The following ARHGEF10L variants were observed in gnomAD, a reference collection of about 807,000 sequenced individuals.
ARHGEF10L encodes the protein rho guanine nucleotide exchange factor 10-like protein.
In ARHGEF10L, 69 loss-of-function variants were observed where a neutral mutation model predicts 141.2. The observed-to-expected ratio is 0.49, with a 90% CI of 0.40 to 0.60. The LOEUF is 0.60. Ranked by LOEUF, ARHGEF10L falls within the 20% of genes least tolerant of loss-of-function variation. ARHGEF10L has a pLI of 0.00. For missense variants in ARHGEF10L, 1,482 were observed against 1,734.3 expected (o/e 0.85, Z 2.58); for synonymous variants, 711 against 718.5 (o/e 0.99, Z 0.17).
chr1:17,648,231 A>G (rs1253767371), intron 21 of ARHGEF10L, among the ~76,000 whole-genome samples: 4 of 152,242 alleles, frequency 2.6e-5, no homozygotes, highest in Non-Finnish European at 4.4e-5. Flanking sequence ...CAACAACCAC[A>G]GGACGAAGGC....
At chr1:17,620,008 G>C (rs1223332786) in intron 10 of ARHGEF10L, among the ~76,000 whole-genome samples, 7 of 152,060 alleles carry the variant, frequency 4.6e-5, no homozygotes, top group Non-Finnish European at 8.8e-5. Context: ...GGCCAACATG[G>C]TGAAACCCCA....
chr1:17,587,698 C>G, intron 3 of ARHGEF10L, 53 bp downstream of exon 3: 1 of 1,538,500 alleles, frequency 6.5e-7, no homozygotes, highest in East Asian at 2.3e-5. Context: ...GCATGGAGAA[C>G]TGGGCGGAAG....
chr1:17,594,399 C>G (rs1001626899), intron 4 of ARHGEF10L, among the ~76,000 whole-genome samples: 4 of 152,192 alleles, frequency 2.6e-5, no homozygotes, highest in African/African-American at 9.7e-5. Flanking sequence ...CCACACAGAG[C>G]TGGTTTGGAT....
chr1:17,674,802 A>G (rs766030360), intron 26 of ARHGEF10L, among the ~76,000 whole-genome samples: 1 of 152,164 alleles, frequency 6.6e-6, no homozygotes, highest in Non-Finnish European at 1.5e-5. Context: ...CACAAATACC[A>G]TTGTGTTACA....
intron 1 of ARHGEF10L, among the ~76,000 whole-genome samples, chr1:17,545,649 C>G (rs2076890329): frequency 6.6e-6 from 1 of 152,128 alleles, no homozygotes; most frequent in African/African-American, 2.4e-5. Context: ...GTTGTGATGT[C>G]CAGGACATGG....
intron 26 of ARHGEF10L, among the ~76,000 whole-genome samples, chr1:17,676,024 G>A (rs528517172): frequency 2.0e-5 from 3 of 146,978 alleles, no homozygotes; most frequent in Non-Finnish European, 4.6e-5. Context: ...ATGCAGGTAT[G>A]TGTGCAGGTA....
intron 26 of ARHGEF10L, among the ~76,000 whole-genome samples, chr1:17,683,179 T>C (rs2064268143): frequency 7.8e-6 from 1 of 127,998 alleles, no homozygotes; most frequent in African/African-American, 3.0e-5. Context: ...ACCGTGGTGC[T>C]CACTGCCCCC....
chr1:17,514,588 C>A, the ARHGEF10L span, among the ~76,000 whole-genome samples: 1 of 152,190 alleles, frequency 6.6e-6, no homozygotes, highest in Non-Finnish European at 1.5e-5. Flanking sequence ...TGGGATTGGG[C>A]AAGCTCCTCC....
intron 22 of ARHGEF10L, among the ~76,000 whole-genome samples, chr1:17,650,732 CAA>C (rs71575854): frequency 0.011 from 844 of 77,872 alleles, 2 homozygotes; most frequent in African/African-American, 0.021. Flanking sequence ...GACCCTGTCT[CAA>C]AAAAAAAAAA....
chr1:17,581,332 A>AC (rs1557737206), intron 2 of ARHGEF10L, among the ~76,000 whole-genome samples: 1 of 147,414 alleles, frequency 6.8e-6, no homozygotes, highest in African/African-American at 2.5e-5. Context: ...AAAAAAAAAA[A>AC]GAAAAGAGAA....
At chr1:17,620,870 C>T (rs2060071699) in intron 10 of ARHGEF10L, among the ~76,000 whole-genome samples, 1 of 152,162 alleles carries the variant, frequency 6.6e-6, no homozygotes, top group Non-Finnish European at 1.5e-5. Flanking sequence ...TTCAAAGTCC[C>T]TGGTATCCAG....
rs116611407 is a variant in ARHGEF10L at position 17,667,366 on chromosome 1, G to A, written c.3009+2771G>A. ...GCCCTTGGAGGGCCTCCAGTCTAAC[G>A]GAGGAGGCACAGCCTGCCCTTTGAG... is the stretch of plus-strand genomic sequence containing the variant. On this transcript the variant is annotated intron_variant, in intron 26 of 28. Coordinates refer to ENST00000361221, the MANE Select transcript of ARHGEF10L (RefSeq NM_018125.4). Among the ~76,000 whole-genome samples the A allele has an allele frequency of 4.3e-3, 650 of 152,260 alleles. 5 individuals carry two copies. The highest frequency in any genetic ancestry group is 0.015 in the African/African-American group (614 of 41,582).
intron 26 of ARHGEF10L, among the ~76,000 whole-genome samples, chr1:17,672,415 G>A (rs1490772072): frequency 6.6e-6 from 1 of 152,114 alleles, no homozygotes; most frequent in Non-Finnish European, 1.5e-5. Flanking sequence ...GTAATGGTAT[G>A]CAAATTGGCG....
At chr1:17,652,992 T>TC (rs745970563) in intron 22 of ARHGEF10L, among the ~76,000 whole-genome samples, 1 of 152,196 alleles carries the variant, frequency 6.6e-6, no homozygotes, top group Non-Finnish European at 1.5e-5. Context: ...GGCTCTGCCC[T>TC]CATAGCCTTG....
chr1:17,697,121 C>G lies in ARHGEF10L; in HGVS notation c.3581C>G (p.Ala1194Gly). The G allele has an allele frequency of 6.2e-7, 1 of 1,610,366 alleles. No individual in the cohort carries two copies. The highest frequency in any genetic ancestry group is 1.7e-4 in the Middle Eastern group (1 of 6,046). Residue 1194 changes from alanine to glycine, a missense_variant, in exon 29 of 29, where the codon GCG (alanine) becomes GGG (glycine). Ala to Gly is a moderately conservative substitution (Grantham distance 60). Transcript: ENST00000361221. The surrounding 1 kb of genome is among the most constrained non-coding windows in gnomAD (Gnocchi z 4.8). Reference sequence around the variant, plus strand: ...CCGCTGCTCTCCATGCGGGAGCCGGCGCCTGCTGATGGCGCAGCTTTGGAG... The same window carrying G: ...CCGCTGCTCTCCATGCGGGAGCCGGGGCCTGCTGATGGCGCAGCTTTGGAG... The part of the protein sequence containing the change: ...PGPLLSMREP[A>G]PADGAALEHS...
intron 1 of ARHGEF10L, 99 bp from the exon 2 acceptor site, chr1:17,580,454 A>T (rs1225295443): frequency 2.9e-6 from 3 of 1,032,756 alleles, no homozygotes; most frequent in Non-Finnish European, 4.4e-6. Flanking sequence ...TCTGAGAGCC[A>T]CTGGGCTGAA....
In ARHGEF10L at chr1:17,697,727, TGTGA is replaced by T. The variant is rs1558070062; in HGVS notation, c.*351_*354del. 1 of 505,608 alleles carries T rather than the reference TGTGA, an allele frequency of 2.0e-6. No individual in the cohort carries two copies. Among genetic ancestry groups the T allele is most frequent in the South Asian group, 1.5e-5 (1 of 64,758 alleles). 31.3% of individuals were successfully genotyped at this position (505,608 alleles called of 1,614,324 possible). A position where few individuals can be genotyped will look rare whatever the true frequency, so the allele number is the denominator to read the frequency against. ...CGCCCCTCCTGGAAGGGTGTGTGCG[TGTGA>T]GTGTGTGCGAGTGTGTGGGCTGGTG... On this transcript the variant is annotated 3_prime_UTR_variant, in exon 29 of 29. Transcript: ENST00000361221. The surrounding 1 kb of genome is among the most constrained non-coding windows in gnomAD (Gnocchi z 4.8).
chr1:17,536,418 G>A (rs1557678901), upstream of ARHGEF10L, among the ~76,000 whole-genome samples: 1 of 152,068 alleles, frequency 6.6e-6, no homozygotes, highest in Non-Finnish European at 1.5e-5. Context: ...CGGAGGTTGC[G>A]GTGAGCTGAG....
chr1:17,592,943 C>T (rs1303988653), intron 4 of ARHGEF10L, among the ~76,000 whole-genome samples: 3 of 152,152 alleles, frequency 2.0e-5, no homozygotes, highest in South Asian at 4.2e-4. Flanking sequence ...GGTCCCTTGC[C>T]AAATCCATAA....
Sources: allele counts gnomAD v4.1 joint callset (sites outside exome capture counted in the v4.1 genomes callset), GRCh38; gene constraint gnomAD v4.1.1; non-coding constraint Gnocchi (gnomAD v3.1); transcripts MANE v1.5; gene names NCBI Gene and HGNC (gene_info 2026-07-23, HGNC 2026-07-21).